Variants in SPATA31C2 observed in about 807,000 individuals in gnomAD.
The protein encoded by SPATA31C2 is spermatogenesis-associated protein 31C2.
SPATA31C2 carries 5 observed loss-of-function variants against 11.4 expected under a neutral mutation model. The observed-to-expected ratio is 0.44, with a 90% confidence interval of 0.23 to 0.92. The LOEUF (loss-of-function observed/expected upper bound fraction) is 0.92. SPATA31C2 is among the 40% of genes least tolerant of loss of function. The pLI, the probability that SPATA31C2 is intolerant of heterozygous loss-of-function variation, is 0.24. For missense variants in SPATA31C2, 1,353 were observed against 1,368.6 expected, an observed-to-expected ratio of 0.99 and a Z score of 0.18; for synonymous variants, 515 against 538.7, an observed-to-expected ratio of 0.96 and a Z score of 0.61.
rs772012519 is a variant in SPATA31C2 at position 88,133,596 on chromosome 9, C to G, written c.263G>C (p.Arg88Thr). The G allele has an allele frequency of 6.2e-7, 1 of 1,604,196 alleles. No individual in the cohort carries two copies. Residue 88 changes from arginine to threonine, a missense_variant and splice_region_variant, in exon 2 of 4, where the codon AGA becomes ACA. This residue lies in a region of SPATA31C2 where 67 missense variants were observed against 41.4 expected (regional missense o/e 1.62). Coordinates refer to ENST00000324915, the MANE Select transcript of SPATA31C2 (RefSeq NM_001350978.3). The part of the protein sequence containing the change: ...PRGRMKNHSL[R>T]ACRECPRGLE... The stretch of plus-strand genomic sequence containing the variant: ...AGTGTGCCCTGGCAGAGCCTTACCT[C>G]TCAGACTGTGGTTTTTCATCCTGCC...
At chr9:88,136,791 T>C (rs1825688290) in intron 1 of SPATA31C2, among the ~76,000 whole-genome samples, 1 of 132,812 alleles carries the variant, frequency 7.5e-6, no homozygotes, top group Non-Finnish European at 1.6e-5. Context: ...CACTCTGGCA[T>C]GGCTTCAGCA....
intron 2 of SPATA31C2, 149 bp downstream of exon 2, chr9:88,133,445 G>A (rs1159925997): frequency 2.5e-5 from 28 of 1,137,890 alleles, no homozygotes; most frequent in Admixed American, 1.4e-4. Flanking sequence ...GCTTCATTCC[G>A]GCGGCACAGA....
Position 88,130,403 on chromosome 9 carries a change from C to G in SPATA31C2, c.2634G>C (p.Val878=), listed in dbSNP as rs185867032. 1 of 1,611,822 alleles carries G rather than the reference C, an allele frequency of 6.2e-7. No homozygotes were observed. The highest frequency in any genetic ancestry group is 8.5e-7 in the Non-Finnish European group (1 of 1,179,490). Residue 878 remains valine (V), a synonymous_variant, in exon 4 of 4, where the codon GTG becomes GTC. Coordinates refer to ENST00000324915, the MANE Select transcript of SPATA31C2 (RefSeq NM_001350978.3). ...CAGATGCTTGCCCATCTGGAAGGAGCACAACAGTGGCAGAAACTTGAGGCT... is the reference window on the plus strand; with the variant it reads ...CAGATGCTTGCCCATCTGGAAGGAGGACAACAGTGGCAGAAACTTGAGGCT... ...ETQPQVSATV[V]LLPDGQASVV... is the part of the protein sequence containing the mutation.
rs749380557 is a variant in SPATA31C2, at chr9:88,129,821, C to A, written c.3216G>T (p.Ala1072=). 4 of 1,604,498 alleles carry A rather than the reference C, an allele frequency of 2.5e-6. No homozygotes were observed. Among genetic ancestry groups the A allele is most frequent in the Non-Finnish European group, 8.5e-7 (1 of 1,173,840 alleles). ...GCTGATTTACCTTCGAGGCATGGCGCGCATGGCAAAGTGACATGTTCTCCT... is the reference window on the plus strand; with the variant it reads ...GCTGATTTACCTTCGAGGCATGGCGAGCATGGCAAAGTGACATGTTCTCCT... The part of the protein sequence containing the change: ...ILEENMSLCH[A]RHASKVNQQR... Residue 1072 remains alanine, a synonymous_variant, in exon 4 of 4, where the codon GCG becomes GCT. Coordinates refer to ENST00000324915, the MANE Select transcript of SPATA31C2 (RefSeq NM_001350978.3).
Position 88,132,084 on chromosome 9 carries a change from G to A in SPATA31C2, c.953C>T (p.Pro318Leu). Reference sequence around the variant, plus strand: ...CAGGGGCTGGGCCTGGAAAAGCAGTGGGGACATTGTAGTGTCCCTTTGGCG... The same window carrying A: ...CAGGGGCTGGGCCTGGAAAAGCAGTAGGGACATTGTAGTGTCCCTTTGGCG... ...LSRQRDTTMS[P>L]LLFQAQPLSH... Residue 318 changes from proline (P) to leucine (L), a missense_variant, in exon 4 of 4, where the codon CCA (proline) becomes CTA (leucine). This residue lies in a region of SPATA31C2 where 1,075 missense variants were observed against 992.8 expected (regional missense o/e 1.08). Coordinates refer to ENST00000324915, the MANE Select transcript of SPATA31C2 (RefSeq NM_001350978.3). The A allele has an allele frequency of 6.2e-7, 1 of 1,610,762 alleles. No homozygotes were observed. Among genetic ancestry groups the A allele is most frequent in the Non-Finnish European group, 8.5e-7 (1 of 1,177,646 alleles).
rs758396657 is a variant in SPATA31C2, at chr9:88,133,653, T to A, written c.206A>T (p.Gln69Leu). The change falls in exon 2 of 4, where the codon CAG (glutamine) becomes CTG (leucine). Residue 69 changes from glutamine to leucine, a missense_variant. Around this residue, in one of 6 missense-constraint regions of SPATA31C2, gnomAD observed 67 missense variants for 41.4 expected, o/e 1.62. Transcript: ENST00000324915. ...PRKRKRHLVS[Q>L]RPAGRRGRPR... The stretch of plus-strand genomic sequence containing the variant: ...CCTCCCCCTCCGCCCTGCTGGACGC[T>A]GGGAGACAAGATGACGCTGGGAGAC... The A allele has an allele frequency of 1.1e-5, 17 of 1,596,252 alleles. No individual in the cohort carries two copies. Among genetic ancestry groups the A allele is most frequent in the Non-Finnish European group, 1.5e-5 (17 of 1,166,116 alleles).
rs779186854 is a variant in SPATA31C2 at position 88,129,589 on chromosome 9, G to A, written c.*43C>T. On this transcript the variant is annotated 3_prime_UTR_variant, in exon 4 of 4. Transcript: ENST00000324915. ...TTGGGGAGCAAGAGTTGGGGATGTC[G>A]CAGGCCCCATTGCTCATTGTTGCAC... The A allele has an allele frequency of 3.0e-5, 48 of 1,602,138 alleles. No individual in the cohort carries two copies. The highest frequency in any genetic ancestry group is 1.7e-4 in the Middle Eastern group (1 of 5,954).
intron 2 of SPATA31C2, 42 bp downstream of exon 2, chr9:88,133,552 A>G (rs771816614): frequency 6.4e-7 from 1 of 1,566,476 alleles, no homozygotes; most frequent in African/African-American, 1.5e-5. Flanking sequence ...TCCCGGACAG[A>G]TGAGATCAAA....
chr9:88,134,011 A>G (rs1430881754), intron 1 of SPATA31C2, among the ~76,000 whole-genome samples: 2 of 151,416 alleles, frequency 1.3e-5, no homozygotes, highest in African/African-American at 4.9e-5. Context: ...AAAATTAGCC[A>G]GGCGTGGTGG....
At position 88,132,970 on chromosome 9, in the gene SPATA31C2, G is replaced by A. The variant is rs1247122405; in HGVS notation, c.322C>T (p.Gln108Ter). 7.4e-7 allele frequency: 1 copy of A among 1,348,368 alleles called. No homozygotes were observed. The allele number at this position is 1,348,368 out of a possible 1,614,324, so 83.5% of individuals were successfully genotyped here. The change falls in exon 3 of 4, where the codon CAG becomes TAG. Residue 108 changes from glutamine to a stop codon, truncating the protein, a stop_gained. Coordinates refer to ENST00000324915, the MANE Select transcript of SPATA31C2 (RefSeq NM_001350978.3). LOFTEE classifies it low-confidence loss of function (END_TRUNC). ...EETWDLLSQLQSLLGPHLEKG... is the reference protein window; with the variant it reads ...EETWDLLSQL Reference sequence around the variant, plus strand: ...AGGGAAGGGGAAGTGCCTCACCTCTGCAGTTGTGAAAGCAGGTCCCAAGTC... The same window carrying A: ...AGGGAAGGGGAAGTGCCTCACCTCTACAGTTGTGAAAGCAGGTCCCAAGTC...
chr9:88,133,583 C>T lies in SPATA31C2; in HGVS notation c.265+11G>A, dbSNP rs748246676. The T allele has an allele frequency of 6.3e-6, 10 of 1,580,390 alleles. No individual in the cohort carries two copies. The East Asian group carries it at 1.4e-4, about 22-fold the overall frequency. The stretch of plus-strand genomic sequence containing the variant: ...TCAAATTAACTCTAGTGTGCCCTGG[C>T]AGAGCCTTACCTCTCAGACTGTGGT... On this transcript the variant is annotated intron_variant, in intron 2 of 3. Coordinates refer to ENST00000324915, the MANE Select transcript of SPATA31C2 (RefSeq NM_001350978.3).
In SPATA31C2 at chr9:88,130,480, C is replaced by T. The variant is rs781356263; in HGVS notation, c.2557G>A (p.Glu853Lys). Reference protein sequence around the residue: ...SQDPRKLCLMEEAVSEFEPGK... With the variant: ...SQDPRKLCLMKEAVSEFEPGK... ...GGCTCAAATTCACTAACAGCCTCCT[C>T]CATGAGACACAGCTTTCTTGGGTCT... Residue 853 changes from glutamate (E) to lysine (K), a missense_variant, in exon 4 of 4, where the codon GAG (glutamate) becomes AAG (lysine). Transcript: ENST00000324915. 2.5e-6 allele frequency: 4 copies of T among 1,613,312 alleles called. No individual in the cohort carries two copies. The East Asian group carries it at 6.7e-5, about 27-fold the overall frequency.
chr9:88,132,576 A>G lies in SPATA31C2; in HGVS notation c.461T>C (p.Ile154Thr), dbSNP rs1405538328. The G allele has an allele frequency of 4.3e-6, 7 of 1,610,280 alleles. No homozygotes were observed. Among genetic ancestry groups the G allele is most frequent in the Non-Finnish European group, 5.9e-6 (7 of 1,177,748 alleles). The change falls in exon 4 of 4, where the codon ATT becomes ACT. Residue 154 changes from isoleucine (I) to threonine (T), a missense_variant. This residue lies in a region of SPATA31C2 where 1,075 missense variants were observed against 992.8 expected (regional missense o/e 1.08). Coordinates refer to ENST00000324915, the MANE Select transcript of SPATA31C2 (RefSeq NM_001350978.3). ...ATCCGGGGAAGCTAACGGGGAGACA[A>G]TGGGAGCAGCGTCTTCCGTAGGCTC... ...SHEPTEDAAP[I>T]VSPLASPDPR...
intron 1 of SPATA31C2, 94 bp from the exon 2 acceptor site, chr9:88,133,763 C>T: frequency 2.1e-6 from 3 of 1,445,712 alleles, no homozygotes; most frequent in Non-Finnish European, 2.8e-6. Context: ...CCGCATGGCT[C>T]TGTCTGTCTT....
rs1409139056 is a variant in SPATA31C2 at position 88,132,342 on chromosome 9, G to T, written c.695C>A (p.Pro232His). ...CSPPPPKGFT[P>H]PPLRDSTLLT... Reference sequence around the variant, plus strand: ...CAGAGTGGAGTCCCGCAGGGGAGGAGGAGTGAAGCCTTTCGGAGGAGGCGG... The same window carrying T: ...CAGAGTGGAGTCCCGCAGGGGAGGATGAGTGAAGCCTTTCGGAGGAGGCGG... Residue 232 changes from proline (P) to histidine (H), a missense_variant, in exon 4 of 4, where the codon CCT becomes CAT. By Grantham distance (77) the Pro-to-His change is moderately conservative. This residue lies in a region of SPATA31C2 where 1,075 missense variants were observed against 992.8 expected (regional missense o/e 1.08). Coordinates refer to ENST00000324915, the MANE Select transcript of SPATA31C2 (RefSeq NM_001350978.3). 1 of 1,611,046 alleles carries T rather than the reference G, an allele frequency of 6.2e-7. No homozygotes were observed. Among genetic ancestry groups the T allele is most frequent in the Non-Finnish European group, 8.5e-7 (1 of 1,177,972 alleles).
intron 1 of SPATA31C2, among the ~76,000 whole-genome samples, chr9:88,134,068 T>C (rs1451892306): frequency 6.7e-6 from 1 of 150,234 alleles, no homozygotes; most frequent in African/African-American, 2.5e-5. Flanking sequence ...GACAGGAGAA[T>C]AGCTTGAACT....
chr9:88,130,894 G>A lies in SPATA31C2; in HGVS notation c.2143C>T (p.Leu715=), dbSNP rs1338569610. The change falls in exon 4 of 4, where the codon CTG becomes TTG. Residue 715 remains leucine (L), a synonymous_variant. Transcript: ENST00000324915. ...TFLGEPPMAS[L]RKQVLTKPSV... Reference sequence around the variant, plus strand: ...GGTTTGGTCAGCACCTGCTTTCTCAGACTTGCCATTGGTGGCTCTCCAAGG... The same window carrying A: ...GGTTTGGTCAGCACCTGCTTTCTCAAACTTGCCATTGGTGGCTCTCCAAGG... 1.2e-6 allele frequency: 2 copies of A among 1,613,676 alleles called. No individual in the cohort carries two copies. Among genetic ancestry groups the A allele is most frequent in the African/African-American group, 2.7e-5 (2 of 74,932 alleles).
At position 88,129,629 on chromosome 9, in the gene SPATA31C2, G is replaced by T; in HGVS notation, c.*3C>A. The stretch of plus-strand genomic sequence containing the variant: ...CATTGTTGCACCGGACACTTTTCAA[G>T]GGCTACTGATCTCTGATTTGTCTGT... On this transcript the variant is annotated 3_prime_UTR_variant, in exon 4 of 4. Transcript: ENST00000324915. 1.2e-6 allele frequency: 2 copies of T among 1,602,868 alleles called. No individual in the cohort carries two copies. Among genetic ancestry groups the T allele is most frequent in the Non-Finnish European group, 1.7e-6 (2 of 1,172,782 alleles).
chr9:88,136,435 G>C (rs1197409084), intron 1 of SPATA31C2, among the ~76,000 whole-genome samples: 1 of 143,542 alleles, frequency 7.0e-6, no homozygotes, highest in African/African-American at 2.6e-5. Flanking sequence ...CAATATTCTA[G>C]ATATGAGCTC....
Sources: gnomAD v4.1 joint callset for allele counts (sites outside exome capture counted in the v4.1 genomes callset) on GRCh38, gnomAD v4.1.1 for gene constraint, gnomAD v4.1.1 regional missense constraint, MANE v1.5 for transcripts, NCBI Gene and HGNC (gene_info 2026-07-23, HGNC 2026-07-21) for gene names.